ADGRG5: variants seen among roughly 807,000 people sequenced by gnomAD.
ADGRG5 encodes the protein G protein-coupled receptor 114.
Under a neutral mutation model 53.2 loss-of-function variants are expected in ADGRG5, and 37 were observed. The observed-to-expected ratio is 0.70, with a 90% CI of 0.53 to 0.91. The LOEUF is 0.91. ADGRG5 is among the 40% of genes least tolerant of loss of function. The probability of loss-of-function intolerance (pLI) is 0.00; values close to 1 mark genes in which losing one functional copy is unlikely to be tolerated. For missense variants in ADGRG5, 614 were observed against 675.8 expected (o/e 0.91, Z 1.01); for synonymous variants, 277 against 290.4 (o/e 0.95, Z 0.47).
intron 6 of ADGRG5, 74 bp downstream of exon 6, chr16:57,565,224 C>A: frequency 1.2e-6 from 1 of 850,028 alleles, no homozygotes. Flanking sequence ...ACTGGTTTGA[C>A]TAGACCCAAA....
the ADGRG5 span, chr16:57,529,155 C>G: frequency 8.4e-7 from 1 of 1,184,488 alleles, no homozygotes; most frequent in Non-Finnish European, 1.0e-6. The surrounding 1 kb of genome is among the most constrained non-coding windows in gnomAD (Gnocchi z 4.1). Flanking sequence ...CTCGGCCAGC[C>G]GGGGGCTGGG....
At chr16:57,562,505 TGGG>T (rs2033028907) in intron 3 of ADGRG5, 46 bp downstream of exon 3, 1 of 1,350,668 alleles carries the variant, frequency 7.4e-7, no homozygotes, top group Admixed American at 2.1e-5. Context: ...CTTGAATCAG[TGGG>T]TCAGGGTTAG....
Position 57,576,625 on chromosome 16 carries a change from T to C in ADGRG5, c.*1087T>C, listed in dbSNP as rs1474544274. The C allele has an allele frequency of 2.0e-5, 3 of 152,284 alleles. No homozygotes were observed. The East Asian group carries it at 5.8e-4, about 29-fold the overall frequency. 9.4% of individuals were successfully genotyped at this position (152,284 alleles called of 1,614,324 possible). A position where few individuals can be genotyped will look rare whatever the true frequency, so the allele number is the denominator to read the frequency against. On this transcript the variant is annotated 3_prime_UTR_variant, in exon 12 of 12. Transcript: ENST00000349457. ...CTGCATCTAGAATCGCTCAAACACC[T>C]GTTTGCAGACCCCATGCACCAGCTG...
Position 57,566,662 on chromosome 16 carries a change from T to TGGA in ADGRG5, c.612_614dup (p.Trp204_Ser205insArg). ...AGCCAGGAAACAGCCCTGGGGGGGC[T>TGGA]GGAGCCCTGAGGGCTGTCGTACAGA... On this transcript the variant is annotated inframe_insertion, in exon 7 of 12. Coordinates refer to ENST00000349457, the MANE Select transcript of ADGRG5 (RefSeq NM_001304376.3). The TGGA allele has an allele frequency of 6.3e-7, 1 of 1,592,634 alleles. No homozygotes were observed. Among genetic ancestry groups the TGGA allele is most frequent in the Non-Finnish European group, 8.5e-7 (1 of 1,170,158 alleles).
chr16:57,564,700 C>T (rs1174808276), intron 5 of ADGRG5, among the ~76,000 whole-genome samples: 2 of 152,116 alleles, frequency 1.3e-5, no homozygotes, highest in African/African-American at 4.8e-5. Flanking sequence ...TCCCAGTGGG[C>T]AGTCCAGGGG....
upstream of ADGRG5, among the ~76,000 whole-genome samples, chr16:57,540,797 C>T (rs950462013): frequency 1.2e-4 from 19 of 152,082 alleles, no homozygotes; most frequent in East Asian, 3.5e-3. Context: ...TTTGTTTGTT[C>T]GTTTTGTTTT....
Position 57,567,601 on chromosome 16 carries a change from T to C in ADGRG5, c.821+10T>C. 1 of 1,608,768 alleles carries C rather than the reference T, an allele frequency of 6.2e-7. No individual in the cohort carries two copies. On this transcript the variant is annotated intron_variant, in intron 8 of 11. Coordinates refer to ENST00000349457, the MANE Select transcript of ADGRG5 (RefSeq NM_001304376.3). ...TGCACTTCCATTTCAGGTATTCCGC[T>C]GCCACAGTGCTGGGCCTGCCCTGCA... is the stretch of plus-strand genomic sequence containing the variant.
chr16:57,557,023 C>A (rs755364789), intron 1 of ADGRG5, among the ~76,000 whole-genome samples: 1 of 151,276 alleles, frequency 6.6e-6, no homozygotes, highest in Non-Finnish European at 1.5e-5. Flanking sequence ...GATCCTCCAG[C>A]GTTAGCCTCC....
At chr16:57,537,899 C>G (rs1030856608), upstream of ADGRG5, among the ~76,000 whole-genome samples, 3 of 151,878 alleles carry the variant, frequency 2.0e-5, no homozygotes, top group Non-Finnish European at 2.9e-5. Flanking sequence ...ACTCAGAGGA[C>G]AAGGGCATCC....
intron 7 of ADGRG5, among the ~76,000 whole-genome samples, 164 bp from the exon 8 acceptor site, chr16:57,567,306 G>A (rs1300763721): frequency 6.6e-6 from 1 of 152,304 alleles, no homozygotes; most frequent in East Asian, 1.9e-4. Flanking sequence ...ATGTGGAGGG[G>A]GCAAAACTGA....
chr16:57,529,377 T>C, the ADGRG5 span: 141 of 587,694 alleles, frequency 2.4e-4, no homozygotes, highest in East Asian at 7.6e-3. The surrounding 1 kb of genome is among the most constrained non-coding windows in gnomAD (Gnocchi z 4.1). Flanking sequence ...GTCTCGAAGA[T>C]CAGCCGCGCC....
upstream of ADGRG5, among the ~76,000 whole-genome samples, chr16:57,538,039 G>T (rs1221138150): frequency 6.6e-6 from 1 of 152,180 alleles, no homozygotes; most frequent in East Asian, 1.9e-4. Flanking sequence ...AGGTGGAAAT[G>T]GGGCTGGGGA....
Position 57,563,958 on chromosome 16 carries a change from C to T in ADGRG5, c.408C>T (p.Phe136=). ...AGCTGCGGCTCATCTGTATCTACTT[C>T]TCCAACACCCACTTTTTCAAGGTCA... The part of the protein sequence containing the change: ...PRELRLICIY[F]SNTHFFKDEN... Residue 136 remains phenylalanine, a synonymous_variant, in exon 5 of 12, where the codon TTC becomes TTT. Transcript: ENST00000349457. The T allele has an allele frequency of 1.2e-6, 2 of 1,613,178 alleles. No homozygotes were observed. The highest frequency in any genetic ancestry group is 1.7e-6 in the Non-Finnish European group (2 of 1,179,240).
In ADGRG5 at chr16:57,556,052, A is replaced by T. The variant is rs577060267; in HGVS notation, c.-38-6004A>T. Among the ~76,000 whole-genome samples the T allele has an allele frequency of 1.2e-4, 18 of 152,256 alleles. No homozygotes were observed. The South Asian group carries it at 2.5e-3, about 21-fold the overall frequency. On this transcript the variant is annotated intron_variant, in intron 1 of 11. Coordinates refer to ENST00000349457, the MANE Select transcript of ADGRG5 (RefSeq NM_001304376.3). ...TAAGTTTCCTAAGGTCTCCCCAGCC[A>T]TGCCTGTGGAACTGTGACTCAAACC... is the stretch of plus-strand genomic sequence containing the variant.
Position 57,575,107 on chromosome 16 carries a change from C to T in ADGRG5, c.1486+15C>T, listed in dbSNP as rs368384464. On this transcript the variant is annotated intron_variant, in intron 11 of 11. Transcript: ENST00000349457. ...CTCGCTCTACGGTAGGGCTGGAGGG[C>T]GGCCTGGAGGAAGCTACCTGGCAGG... 177 of 1,600,788 alleles carry T rather than the reference C, an allele frequency of 1.1e-4. No individual in the cohort carries two copies. In the African/African-American group the frequency reaches 2.0e-3, roughly 18 times the overall value.
intron 1 of ADGRG5, among the ~76,000 whole-genome samples, chr16:57,549,299 C>T (rs4784827): frequency 0.45 from 67,931 of 151,988 alleles, 15,513 homozygotes; most frequent in East Asian, 0.68. Context: ...GTGCCTGTCC[C>T]TACAGACTCA....
the ADGRG5 span, among the ~76,000 whole-genome samples, chr16:57,536,130 GC>G: frequency 2.0e-5 from 3 of 152,042 alleles, no homozygotes; most frequent in Non-Finnish European, 4.4e-5. Flanking sequence ...ATTGGCCAGC[GC>G]CGCCCGTCCA....
the ADGRG5 span, among the ~76,000 whole-genome samples, chr16:57,530,653 CT>C: frequency 6.6e-6 from 1 of 152,150 alleles, no homozygotes; most frequent in African/African-American, 2.4e-5. Flanking sequence ...CTCTCTGCCC[CT>C]GAGAGGACAG....
intron 11 of ADGRG5, 53 bp from the exon 12 acceptor site, chr16:57,575,385 G>A: frequency 4.5e-6 from 7 of 1,541,106 alleles, no homozygotes; most frequent in Non-Finnish European, 6.3e-6. Context: ...AGGAGACCCT[G>A]GCCTTTGGGG....
Sources: allele counts gnomAD v4.1 joint callset (sites outside exome capture counted in the v4.1 genomes callset), GRCh38; gene constraint gnomAD v4.1.1; non-coding constraint Gnocchi (gnomAD v3.1); transcripts MANE v1.5; gene names NCBI Gene and HGNC (gene_info 2026-07-23, HGNC 2026-07-21).